Variants in ANKS4B observed in about 807,000 individuals in gnomAD.
ANKS4B encodes the protein ankyrin repeat and sterile alpha motif domain containing 4B, also known as ankyrin repeat and SAM domain-containing protein 4B.
ANKS4B carries 21 observed loss-of-function variants against 20.2 expected under a neutral mutation model. The ratio of observed to expected loss-of-function variants is 1.04; its 90% confidence interval spans 0.74 to 1.50. The LOEUF (loss-of-function observed/expected upper bound fraction) is 1.50, where lower values mean the gene tolerates loss of function less well. Ranked by LOEUF, ANKS4B falls within the 40% of genes most tolerant of loss-of-function variation. The pLI, the probability that ANKS4B is intolerant of heterozygous loss-of-function variation, is 0.00. For synonymous variants in ANKS4B, 179 were observed against 194.5 expected, an observed-to-expected ratio of 0.92 and a Z score of 0.66; for missense variants, 473 against 494.6, an observed-to-expected ratio of 0.96 and a Z score of 0.41.
chr16:21,241,996 G>A (rs191510841), intron 1 of ANKS4B, among the ~76,000 whole-genome samples: 3 of 152,174 alleles, frequency 2.0e-5, no homozygotes, highest in Non-Finnish European at 2.9e-5. Context: ...CCAGGAGTTC[G>A]AGACTAGCCT....
intron 1 of ANKS4B, among the ~76,000 whole-genome samples, chr16:21,237,267 C>T (rs1302492514): frequency 6.6e-6 from 1 of 152,006 alleles, no homozygotes; most frequent in Non-Finnish European, 1.5e-5. Flanking sequence ...GTGATTTGCC[C>T]ACCTCGGCCT....
intron 1 of ANKS4B, 145 bp from the exon 2 acceptor site, chr16:21,249,586 C>T (rs2093336179): frequency 1.1e-6 from 1 of 948,144 alleles, no homozygotes. Context: ...GGACTTGCAG[C>T]CAGTATCTTA....
intron 1 of ANKS4B, among the ~76,000 whole-genome samples, chr16:21,236,599 C>T (rs1275785345): frequency 6.6e-6 from 1 of 152,102 alleles, no homozygotes; most frequent in Non-Finnish European, 1.5e-5. Flanking sequence ...TTACTAGAGA[C>T]AGGGCCTCGC....
rs377154441 is a variant in ANKS4B at position 21,233,783 on chromosome 16, C to T, written c.46C>T (p.Leu16Phe). 1 of 1,614,062 alleles carries T rather than the reference C, an allele frequency of 6.2e-7. No homozygotes were observed. The highest frequency in any genetic ancestry group is 8.5e-7 in the Non-Finnish European group (1 of 1,179,982). ...HQAASDSYLE[L>F]LKEATKRDLN... ...AGCTGCTAGTGATAGTTACCTGGAA[C>T]TTCTAAAAGAGGCTACCAAGCGAGA... The change falls in exon 1 of 2, where the codon CTT (leucine) becomes TTT (phenylalanine). Residue 16 changes from leucine (L) to phenylalanine (F), a missense_variant. Physicochemically the swap from Leu to Phe is conservative, Grantham distance 22 (BLOSUM62 0). Transcript: ENST00000311620.
Position 21,245,470 on chromosome 16 carries a change from T to C in ANKS4B, c.165-4261T>C, listed in dbSNP as rs532543074. Among the ~76,000 whole-genome samples the C allele has an allele frequency of 2.9e-5, 4 of 140,238 alleles. No homozygotes were observed. The East Asian group carries it at 8.9e-4, about 31-fold the overall frequency. 92.0% of individuals were successfully genotyped at this position (140,238 alleles called of 152,430 possible). A position where few individuals can be genotyped will look rare whatever the true frequency, so the allele number is the denominator to read the frequency against. ...ATTAAAACTGGAAGTGATTGATTGA[T>C]TGATTTTTTTTTTATTTTTTTGAGA... is the stretch of plus-strand genomic sequence containing the variant. On this transcript the variant is annotated intron_variant, in intron 1 of 1. Coordinates refer to ENST00000311620, the MANE Select transcript of ANKS4B (RefSeq NM_145865.3).
At position 21,251,739 on chromosome 16, in the gene ANKS4B, G is replaced by T. The variant is rs1334623568; in HGVS notation, c.*919G>T. On this transcript the variant is annotated 3_prime_UTR_variant, in exon 2 of 2. Coordinates refer to ENST00000311620, the MANE Select transcript of ANKS4B (RefSeq NM_145865.3). ...GCCTGAGAATAGAGACAGAGTGGTG[G>T]TGGGGAGAGTGAAGAAAGAGATAGA... 2 of 152,216 alleles carry T rather than the reference G, an allele frequency of 1.3e-5. No individual in the cohort carries two copies. The highest frequency in any genetic ancestry group is 4.8e-5 in the African/African-American group (2 of 41,454). The allele number at this position is 152,216 out of a possible 1,614,324, so 9.4% of individuals were successfully genotyped here.
intron 1 of ANKS4B, among the ~76,000 whole-genome samples, chr16:21,237,490 GCAGGACTGGTGTCTGATGA>G (rs1476290344): frequency 1.3e-5 from 2 of 152,038 alleles, no homozygotes; most frequent in Non-Finnish European, 2.9e-5. Flanking sequence ...CAAGGCACCA[GCAGGACTGGTGTCTGATGA>G]CAGCCCTGTC....
chr16:21,244,529 T>C (rs1699146650), intron 1 of ANKS4B, among the ~76,000 whole-genome samples: 1 of 123,146 alleles, frequency 8.1e-6, no homozygotes, highest in African/African-American at 2.8e-5. Flanking sequence ...CCCCTGCAGC[T>C]CACTCCTCCC....
chr16:21,246,182 A>C (rs1296876329), intron 1 of ANKS4B, among the ~76,000 whole-genome samples: 1 of 152,178 alleles, frequency 6.6e-6, no homozygotes, highest in Non-Finnish European at 1.5e-5. Flanking sequence ...TGATGTGTTT[A>C]ATGTTGTGTT....
In ANKS4B at chr16:21,250,128, G is replaced by A. The variant is rs1444108660; in HGVS notation, c.562G>A (p.Ala188Thr). 6.2e-6 allele frequency: 10 copies of A among 1,614,200 alleles called. No homozygotes were observed. The highest frequency in any genetic ancestry group is 6.8e-6 in the Non-Finnish European group (8 of 1,180,040). Reference protein sequence around the residue: ...GTFSRSSPSNASAPGTFGSLS... With the variant: ...GTFSRSSPSNTSAPGTFGSLS... Reference sequence around the variant, plus strand: ...CTTCTCCAGATCATCCCCTTCAAATGCTTCTGCTCCTGGCACATTCGGGTC... The same window carrying A: ...CTTCTCCAGATCATCCCCTTCAAATACTTCTGCTCCTGGCACATTCGGGTC... The change falls in exon 2 of 2, where the codon GCT becomes ACT. Residue 188 changes from alanine to threonine, a missense_variant. Physicochemically the swap from Ala to Thr is moderately conservative, Grantham distance 58 (BLOSUM62 0). Transcript: ENST00000311620.
At chr16:21,237,699 C>T (rs751100300) in intron 1 of ANKS4B, among the ~76,000 whole-genome samples, 3 of 152,168 alleles carry the variant, frequency 2.0e-5, no homozygotes, top group Non-Finnish European at 4.4e-5. Flanking sequence ...CTAAAGGCCA[C>T]ACTGCTTAAC....
chr16:21,234,511 C>CACAG, intron 1 of ANKS4B, among the ~76,000 whole-genome samples: 1 of 151,580 alleles, frequency 6.6e-6, no homozygotes, highest in South Asian at 2.1e-4. Flanking sequence ...CACACACACA[C>CACAG]ACACACACAC....
intron 1 of ANKS4B, among the ~76,000 whole-genome samples, chr16:21,242,558 T>C (rs1428140447): frequency 6.6e-6 from 1 of 152,238 alleles, no homozygotes; most frequent in Non-Finnish European, 1.5e-5. Context: ...CTGTCTTATT[T>C]CACTTAACAT....
In ANKS4B at chr16:21,252,553, A is replaced by G. The variant is rs1597609212; in HGVS notation, c.*1733A>G. 6.6e-6 allele frequency: 1 copy of G among 152,258 alleles called. No individual in the cohort carries two copies. Among genetic ancestry groups the G allele is most frequent in the Non-Finnish European group, 1.5e-5 (1 of 68,050 alleles). 9.4% of individuals were successfully genotyped at this position (152,258 alleles called of 1,614,324 possible). A position where few individuals can be genotyped will look rare whatever the true frequency, so the allele number is the denominator to read the frequency against. On this transcript the variant is annotated 3_prime_UTR_variant, in exon 2 of 2. Transcript: ENST00000311620. ...ACAGAAAAAAAGTCTGTCCAACTGC[A>G]ATTGATGAGTTTTGTAAGGGTAAAC...
chr16:21,245,262 G>C (rs1433715390), intron 1 of ANKS4B, among the ~76,000 whole-genome samples: 1 of 152,140 alleles, frequency 6.6e-6, no homozygotes, highest in Admixed American at 6.5e-5. Flanking sequence ...GCATTTAACT[G>C]TGACTTTGTT....
chr16:21,238,712 G>A (rs17764140), intron 1 of ANKS4B, among the ~76,000 whole-genome samples: 60,148 of 151,910 alleles, frequency 0.4, 12,258 homozygotes, highest in Middle Eastern at 0.53. Context: ...TCTCCACTAA[G>A]TTGACATGGT....
chr16:21,250,078 G>A lies in ANKS4B; in HGVS notation c.512G>A (p.Gly171Glu), dbSNP rs1366043373. 6.2e-7 allele frequency: 1 copy of A among 1,614,050 alleles called. No homozygotes were observed. Among genetic ancestry groups the A allele is most frequent in the Non-Finnish European group, 8.5e-7 (1 of 1,180,032 alleles). The change falls in exon 2 of 2, where the codon GGG becomes GAG. Residue 171 changes from glycine (G) to glutamate (E), a missense_variant. Transcript: ENST00000311620. ...CACACCTACAGCAAGGAGGAATCCG[G>A]GACTCTCTCTTCTTCCAAGGGTACC... ...MAHTYSKEES[G>E]TLSSSKGTFS...
intron 1 of ANKS4B, among the ~76,000 whole-genome samples, chr16:21,240,520 A>G (rs1045614654): frequency 2.0e-5 from 3 of 152,096 alleles, no homozygotes; most frequent in Non-Finnish European, 4.4e-5. Context: ...TTCTTAAAGA[A>G]ATACATACTT....
intron 1 of ANKS4B, chr16:21,238,741 G>GTAATA (rs2093323138): frequency 6.6e-6 from 1 of 152,120 alleles, no homozygotes; most frequent in Non-Finnish European, 1.5e-5. Context: ...TTCTTTCAAT[G>GTAATA]TAATATAAAT....
Sources: allele counts gnomAD v4.1 joint callset (sites outside exome capture counted in the v4.1 genomes callset), GRCh38; gene constraint gnomAD v4.1.1; transcripts MANE v1.5; gene names NCBI Gene and HGNC (gene_info 2026-07-23, HGNC 2026-07-21).